Variants in C3 observed in about 807,000 individuals in gnomAD.
The protein encoded by C3 is C3 and PZP-like alpha-2-macroglobulin domain-containing protein 1.
C3 carries 97 observed loss-of-function variants against 207.9 expected under a neutral mutation model. That is an observed-to-expected ratio of 0.47 (90% CI 0.40 to 0.55). The LOEUF (loss-of-function observed/expected upper bound fraction) is 0.55, where lower values mean the gene tolerates loss of function less well. Among genes scored for constraint, C3 ranks in the 20% least tolerant of loss-of-function variants. C3 has a pLI of 0.00. For missense variants in C3, 1,684 were observed against 2,171.7 expected, an observed-to-expected ratio of 0.78 and a Z score of 4.46; for synonymous variants, 848 against 857.6, an observed-to-expected ratio of 0.99 and a Z score of 0.20.
chr19:6,707,851 C>T lies in C3; in HGVS notation c.1924G>A (p.Ala642Thr), dbSNP rs774155819. ...GKDYAGVFSD[A>T]GLTFTSSSGQ... Reference sequence around the variant, plus strand: ...CTGCTGCTCGTGAAGGTCAGCCCTGCGTCGGAGAAGACACCGGCGTAATCC... The same window carrying T: ...CTGCTGCTCGTGAAGGTCAGCCCTGTGTCGGAGAAGACACCGGCGTAATCC... Residue 642 changes from alanine to threonine, a missense_variant, in exon 15 of 41, where the codon GCA becomes ACA. Ala to Thr is a moderately conservative substitution (Grantham distance 58, BLOSUM62 0). This residue lies in a region of C3 where 1,280 missense variants were observed against 1,739.1 expected (regional missense o/e 0.74). Coordinates refer to ENST00000245907, the MANE Select transcript of C3 (RefSeq NM_000064.4). 2.5e-6 allele frequency: 4 copies of T among 1,613,822 alleles called. No individual in the cohort carries two copies. Among genetic ancestry groups the T allele is most frequent in the Non-Finnish European group, 3.4e-6 (4 of 1,180,014 alleles).
chr19:6,709,382 A>G (rs1198231361), intron 14 of C3, among the ~76,000 whole-genome samples: 1 of 152,204 alleles, frequency 6.6e-6, no homozygotes, highest in African/African-American at 2.4e-5. Flanking sequence ...TGGGAGGCAG[A>G]GGTTGCAGTG....
chr19:6,698,526 A>G (rs1248282136), intron 19 of C3, among the ~76,000 whole-genome samples: 1 of 152,102 alleles, frequency 6.6e-6, no homozygotes, highest in Non-Finnish European at 1.5e-5. Flanking sequence ...AATGTATTTA[A>G]TTTAATTCAG....
rs371375667 is a variant in C3 at position 6,708,588 on chromosome 19, C to G, written c.1846-659G>C. Among the ~76,000 whole-genome samples, 305 of 147,772 alleles carry G rather than the reference C, an allele frequency of 2.1e-3. 1 individual carries two copies. Among genetic ancestry groups the G allele is most frequent in the African/African-American group, 7.0e-3 (280 of 39,856 alleles). On this transcript the variant is annotated intron_variant, in intron 14 of 40. Coordinates refer to ENST00000245907, the MANE Select transcript of C3 (RefSeq NM_000064.4). ...CCTTCCTTCCTTCCTTCTTTCCTTC[C>G]TTCATTCTTCACTCCCTCCCTCCCT...
chr19:6,686,463 CA>C, intron 28 of C3, 176 bp from the exon 29 acceptor site: 1 of 736,270 alleles, frequency 1.4e-6, no homozygotes, highest in African/African-American at 1.7e-5. Context: ...CATCAACTCT[CA>C]CTTCTCCCTT....
chr19:6,711,004 G>A lies in C3; in HGVS notation c.1462C>T (p.Arg488Cys), dbSNP rs768129380. The stretch of plus-strand genomic sequence containing the variant: ...CCACGGACCAGGTAGGTGTAGTAGC[G>A]GATCTTGGCCTCGTGGGCGCGGTCC... The part of the protein sequence containing the change: ...RMDRAHEAKI[R>C]YYTYLIMNKG... The change falls in exon 12 of 41, where the codon CGC becomes TGC. Residue 488 changes from arginine to cysteine, a missense_variant. Around this residue, in one of 3 missense-constraint regions of C3, gnomAD observed 1,280 missense variants for 1,739.1 expected, o/e 0.74. Transcript: ENST00000245907. 3.5e-5 allele frequency: 57 copies of A among 1,613,964 alleles called. No individual in the cohort carries two copies. Among genetic ancestry groups the A allele is most frequent in the Middle Eastern group, 1.6e-4 (1 of 6,084 alleles).
In C3 at chr19:6,718,260, G is replaced by T. The variant is rs182399298; in HGVS notation, c.420C>A (p.Thr140=). ...LFIQTDKTIY[T]PGSTVLYRIF... is the part of the protein sequence containing the mutation. ...CCCCAGCCTCACCTGTGGAGCCAGG[G>T]GTGTAGATGGTCTTGTCTGTCTGGA... is the stretch of plus-strand genomic sequence containing the variant. The change falls in exon 3 of 41, where the codon ACC becomes ACA. Residue 140 remains threonine (T), a synonymous_variant. Coordinates refer to ENST00000245907, the MANE Select transcript of C3 (RefSeq NM_000064.4). 4.2e-5 allele frequency: 67 copies of T among 1,614,218 alleles called. No homozygotes were observed. In the Admixed American group the frequency reaches 5.2e-4, roughly 12 times the overall value.
intron 14 of C3, 73 bp downstream of exon 14, chr19:6,709,611 T>TGCCCCCCCCCCCCCC: frequency 7.2e-6 from 8 of 1,109,426 alleles, no homozygotes; most frequent in East Asian, 2.6e-5. Context: ...CCCTCTCCAG[T>TGCCCCCCCCCCCCCC]CCCACCCACC....
intron 24 of C3, 23 bp from the exon 25 acceptor site, chr19:6,693,510 C>T: frequency 1.9e-6 from 3 of 1,602,970 alleles, no homozygotes; most frequent in Non-Finnish European, 8.5e-7. Context: ...GAGAGGAACC[C>T]CCAAAAGAGC....
chr19:6,695,923 T>G (rs567445148), intron 23 of C3, among the ~76,000 whole-genome samples: 1 of 152,078 alleles, frequency 6.6e-6, no homozygotes, highest in South Asian at 2.1e-4. Flanking sequence ...TTAAAAAAAT[T>G]TTTAGGCCGG....
rs1353812261 is a variant in C3 at position 6,719,477 on chromosome 19, C to T, written c.75-74G>A. ...ACGCCAGTCCTCACTGGAGTCAGCG[C>T]CTGGCAGGCTGTGTGCCCCAGCCTC... On this transcript the variant is annotated intron_variant, in intron 1 of 40. Transcript: ENST00000245907. The surrounding 1 kb of genome is among the most constrained non-coding windows in gnomAD (Gnocchi z 5.4). 3 of 1,393,850 alleles carry T rather than the reference C, an allele frequency of 2.2e-6. No homozygotes were observed. The highest frequency in any genetic ancestry group is 2.4e-5 in the South Asian group (2 of 83,410). 86.3% of individuals were successfully genotyped at this position (1,393,850 alleles called of 1,614,324 possible).
At chr19:6,694,201 G>A (rs535205973) in intron 24 of C3, among the ~76,000 whole-genome samples, 1 of 121,778 alleles carries the variant, frequency 8.2e-6, no homozygotes, top group South Asian at 3.0e-4. Flanking sequence ...CTCAGGGGAT[G>A]GGCATGGCCT....
At chr19:6,680,100 C>T in intron 36 of C3, 58 bp downstream of exon 36, 1 of 909,636 alleles carries the variant, frequency 1.1e-6, no homozygotes, top group Admixed American at 1.7e-5. Context: ...TTCATATATA[C>T]CTGGGACTCT....
intron 27 of C3, among the ~76,000 whole-genome samples, chr19:6,689,370 T>C (rs886871396): frequency 3.5e-5 from 4 of 114,900 alleles, no homozygotes; most frequent in African/African-American, 1.1e-4. Context: ...CCTCTCTCTC[T>C]CTCTCTCTCT....
chr19:6,712,215 G>T (rs774712233), intron 11 of C3, 42 bp downstream of exon 11: 1 of 1,611,426 alleles, frequency 6.2e-7, no homozygotes, highest in Non-Finnish European at 8.5e-7. Context: ...CCCCTGTACC[G>T]TCTTCCCAGT....
At chr19:6,681,860 G>A (rs1917870199) in intron 35 of C3, 81 bp downstream of exon 35, 2 of 1,054,844 alleles carry the variant, frequency 1.9e-6, no homozygotes, top group Non-Finnish European at 3.0e-6. Context: ...AGAGACAAAA[G>A]CTGAAAGGAA....
At position 6,697,648 on chromosome 19, in the gene C3, C is replaced by A. The variant is rs776609433; in HGVS notation, c.2583+4G>T. On this transcript the variant is annotated splice_donor_region_variant and intron_variant, in intron 20 of 40. Coordinates refer to ENST00000245907, the MANE Select transcript of C3 (RefSeq NM_000064.4). ...CAAGAAGCCTCTGCCACCCCGGGAC[C>A]CACCTTGAGCTCTTGGTTCTGCCGG... 6.2e-7 allele frequency: 1 copy of A among 1,613,984 alleles called. No individual in the cohort carries two copies. Among genetic ancestry groups the A allele is most frequent in the Admixed American group, 1.7e-5 (1 of 59,972 alleles).
intron 33 of C3, 88 bp from the exon 34 acceptor site, chr19:6,682,317 C>T (rs1265376424): frequency 2.2e-6 from 2 of 912,092 alleles, no homozygotes; most frequent in South Asian, 1.3e-5. Flanking sequence ...TGATCAGGCA[C>T]TGAGACTTCT....
Position 6,684,617 on chromosome 19 carries a change from G to T in C3, c.4063C>A (p.Gln1355Lys). 6.2e-7 allele frequency: 1 copy of T among 1,614,094 alleles called. No homozygotes were observed. The highest frequency in any genetic ancestry group is 8.5e-7 in the Non-Finnish European group (1 of 1,179,980). ...VTMYHAKAKD[Q>K]LTCNKFDLKV... ...AGGTCGAATTTATTACAGGTGAGTT[G>T]ATCTTTGGCCTTAGCATGGTACATT... The change falls in exon 32 of 41, where the codon CAA becomes AAA. Residue 1355 changes from glutamine (Q) to lysine (K), a missense_variant. Gln to Lys is a moderately conservative substitution (Grantham distance 53). Coordinates refer to ENST00000245907, the MANE Select transcript of C3 (RefSeq NM_000064.4).
Position 6,707,784 on chromosome 19 carries a change from C to A in C3, c.1975+16G>T, listed in dbSNP as rs1437710984. The A allele has an allele frequency of 6.2e-7, 1 of 1,612,872 alleles. No individual in the cohort carries two copies. Among genetic ancestry groups the A allele is most frequent in the South Asian group, 1.1e-5 (1 of 91,046 alleles). On this transcript the variant is annotated intron_variant, in intron 15 of 40. Coordinates refer to ENST00000245907, the MANE Select transcript of C3 (RefSeq NM_000064.4). Reference sequence around the variant, plus strand: ...GTGCTGTCTGTCCCTGCACCGGCCCCTGGTGGCGACCTCACCTGCCCTCTG... The same window carrying A: ...GTGCTGTCTGTCCCTGCACCGGCCCATGGTGGCGACCTCACCTGCCCTCTG...
Sources: allele counts gnomAD v4.1 joint callset (sites outside exome capture counted in the v4.1 genomes callset), GRCh38; gene constraint gnomAD v4.1.1; regional missense constraint gnomAD v4.1.1; non-coding constraint Gnocchi (gnomAD v3.1); transcripts MANE v1.5; gene names NCBI Gene and HGNC (gene_info 2026-07-23, HGNC 2026-07-21).